Variants in PLCB1 observed in about 807,000 individuals in gnomAD.
The protein encoded by PLCB1 is phospholipase C beta 1.
In PLCB1, 46 loss-of-function variants were observed where a neutral mutation model predicts 161.8. The observed-to-expected ratio is 0.28, with a 90% CI of 0.22 to 0.36. PLCB1 has a LOEUF of 0.36. Among genes scored for constraint, PLCB1 ranks in the 10% least tolerant of loss-of-function variants. The pLI is 1.00. For synonymous variants in PLCB1, 517 were observed against 503.7 expected (o/e 1.03, Z -0.35); for missense variants, 1,016 against 1,472.5 (o/e 0.69, Z 5.07).
At chr20:8,157,566 T>C (rs1360803472) in intron 2 of PLCB1, among the ~76,000 whole-genome samples, 1 of 152,240 alleles carries the variant, frequency 6.6e-6, no homozygotes, top group African/African-American at 2.4e-5. Flanking sequence ...TTTTCACTTC[T>C]GTGACTCCTC....
At chr20:8,242,831 A>G (rs776852871) in intron 2 of PLCB1, among the ~76,000 whole-genome samples, 1 of 152,018 alleles carries the variant, frequency 6.6e-6, no homozygotes, top group Non-Finnish European at 1.5e-5. Flanking sequence ...CAGGAGAGAC[A>G]TAATGCTTCT....
intron 3 of PLCB1, among the ~76,000 whole-genome samples, chr20:8,501,816 G>A (rs1204715515): frequency 1.4e-5 from 2 of 146,510 alleles, no homozygotes; most frequent in South Asian, 4.3e-4. Context: ...CAGGAGCAGT[G>A]TATATAGTAT....
chr20:8,455,432 CTT>C (rs1175763739), intron 3 of PLCB1, among the ~76,000 whole-genome samples: 4,345 of 74,116 alleles, frequency 0.059, 19 homozygotes, highest in Non-Finnish European at 0.067. Context: ...TATTCTTCCT[CTT>C]TTTTTTTTTT....
chr20:8,576,087 A>G (rs2123064307), intron 3 of PLCB1, among the ~76,000 whole-genome samples: 1 of 152,336 alleles, frequency 6.6e-6, no homozygotes, highest in East Asian at 1.9e-4. Flanking sequence ...AATTGCTTAG[A>G]AAATATAATT....
chr20:8,140,962 C>A (rs1381584962), intron 1 of PLCB1, among the ~76,000 whole-genome samples: 1 of 151,832 alleles, frequency 6.6e-6, no homozygotes, highest in African/African-American at 2.4e-5. Flanking sequence ...CCACGCACAG[C>A]TAATTTTGTA....
At chr20:8,880,281 A>G (rs1377404489) in intron 31 of PLCB1, among the ~76,000 whole-genome samples, 1 of 152,128 alleles carries the variant, frequency 6.6e-6, no homozygotes, top group Non-Finnish European at 1.5e-5. Flanking sequence ...TCAGCACAGC[A>G]CAGCTCCCTA....
At position 8,207,145 on chromosome 20, in the gene PLCB1, G is replaced by A. The variant is rs1486900916; in HGVS notation, c.177+56774G>A. Among the ~76,000 whole-genome samples, 5 of 94,604 alleles carry A rather than the reference G, an allele frequency of 5.3e-5. 1 individual carries two copies. The highest frequency in any genetic ancestry group is 4.6e-5 in the Non-Finnish European group (2 of 43,070). 62.1% of individuals were successfully genotyped at this position (94,604 alleles called of 152,430 possible). On this transcript the variant is annotated intron_variant, in intron 2 of 31. Transcript: ENST00000338037. ...TTTAAATTCTCTTCTGCTGTTATAT[G>A]ATATTTATAAAATTTTAAAAGTGCA...
At chr20:8,662,331 T>C (rs1254454022) in intron 9 of PLCB1, among the ~76,000 whole-genome samples, 2 of 126,032 alleles carry the variant, frequency 1.6e-5, no homozygotes, top group Admixed American at 8.7e-5. Context: ...TGTAATTATT[T>C]ATTATATAAT....
rs369188885 is a variant in PLCB1, at chr20:8,881,358, T to TGTGTGTGTGTGTGTGTGC, written c.3424-263_3424-262insTGTGTGTGTGTGTGTGCG. ...GTGTGTGTGTGTGTGTGTGTGTGTG[T>TGTGTGTGTGTGTGTGTGC]GCATTTGTAGATACCGCTATTCATC... is the stretch of plus-strand genomic sequence containing the variant. On this transcript the variant is annotated intron_variant, in intron 31 of 31. Coordinates refer to ENST00000338037, the MANE Select transcript of PLCB1 (RefSeq NM_015192.4). Among the ~76,000 whole-genome samples the TGTGTGTGTGTGTGTGTGC allele has an allele frequency of 6.2e-3, 939 of 150,584 alleles. 12 individuals carry two copies. The highest frequency in any genetic ancestry group is 0.01 in the Middle Eastern group (3 of 294).
chr20:8,631,404 A>G (rs908626892), intron 4 of PLCB1, among the ~76,000 whole-genome samples: 7 of 152,216 alleles, frequency 4.6e-5, no homozygotes, highest in Non-Finnish European at 8.8e-5. Context: ...CCAAAAAAAC[A>G]TTAACTATGG....
In PLCB1 at chr20:8,490,899, C is replaced by CAT. The variant is rs568550757; in HGVS notation, c.246+119456_246+119457dup. 9.4e-5 allele frequency among the ~76,000 whole-genome samples: 14 copies of CAT among 148,716 alleles called. No individual in the cohort carries two copies. The South Asian group carries it at 1.9e-3, about 20-fold the overall frequency. ...ATATGTACACATATCTATATGTACA[C>CAT]ATATATATGTGTACATATATATTAG... On this transcript the variant is annotated intron_variant, in intron 3 of 31. Transcript: ENST00000338037.
chr20:8,134,599 T>G (rs1335852892), intron 1 of PLCB1, among the ~76,000 whole-genome samples: 1 of 152,134 alleles, frequency 6.6e-6, no homozygotes, highest in African/African-American at 2.4e-5. Flanking sequence ...TAGACTGGAT[T>G]CTGGGGTGGT....
intron 3 of PLCB1, among the ~76,000 whole-genome samples, chr20:8,372,801 A>G (rs909359030): frequency 6.6e-6 from 1 of 152,196 alleles, no homozygotes; most frequent in Non-Finnish European, 1.5e-5. Context: ...TTGATAATGC[A>G]GCTATGAAAT....
At chr20:8,235,259 C>A (rs180875606) in intron 2 of PLCB1, among the ~76,000 whole-genome samples, 258 of 151,998 alleles carry the variant, frequency 1.7e-3, no homozygotes, top group African/African-American at 5.9e-3. Flanking sequence ...TAAAATATTC[C>A]ATTTCTAAAG....
At chr20:8,616,342 C>A (rs1988039842) in intron 3 of PLCB1, among the ~76,000 whole-genome samples, 1 of 152,178 alleles carries the variant, frequency 6.6e-6, no homozygotes, top group African/African-American at 2.4e-5. Flanking sequence ...ATTTGCATAA[C>A]ATGCTACTCC....
At chr20:8,548,233 C>T (rs2122982778) in intron 3 of PLCB1, among the ~76,000 whole-genome samples, 1 of 141,116 alleles carries the variant, frequency 7.1e-6, no homozygotes, top group South Asian at 2.3e-4. Flanking sequence ...TTCCTTCCCT[C>T]CCTCCCCTCT....
chr20:8,614,988 G>T (rs1988006987), intron 3 of PLCB1, among the ~76,000 whole-genome samples: 1 of 152,020 alleles, frequency 6.6e-6, no homozygotes, highest in East Asian at 1.9e-4. Flanking sequence ...CTGTCATCTG[G>T]AAAAAACTCA....
chr20:8,542,246 C>T (rs995569414), intron 3 of PLCB1, among the ~76,000 whole-genome samples: 8 of 152,128 alleles, frequency 5.3e-5, no homozygotes, highest in African/African-American at 7.2e-5. Context: ...ACTAGTGCCT[C>T]GGGCATTCCT....
intron 2 of PLCB1, among the ~76,000 whole-genome samples, chr20:8,316,496 G>A (rs1984659153): frequency 6.6e-6 from 1 of 152,098 alleles, no homozygotes; most frequent in African/African-American, 2.4e-5. Flanking sequence ...CGCCAATTCA[G>A]GACAGTTCTG....
Sources: allele counts gnomAD v4.1 joint callset (sites outside exome capture counted in the v4.1 genomes callset), GRCh38; gene constraint gnomAD v4.1.1; transcripts MANE v1.5; gene names NCBI Gene and HGNC (gene_info 2026-07-23, HGNC 2026-07-21).